ATG9B: variants seen among roughly 807,000 people sequenced by gnomAD.
ATG9B encodes autophagy-related protein 9B.
A neutral mutation model predicts 92.9 loss-of-function variants in ATG9B; 92 were observed. The ratio of observed to expected loss-of-function variants is 0.99; its 90% confidence interval spans 0.84 to 1.18. The LOEUF (loss-of-function observed/expected upper bound fraction) is 1.18. Among genes scored for constraint, ATG9B ranks in the 50% most tolerant of loss-of-function variants. ATG9B has a pLI of 0.00. For synonymous variants in ATG9B, 599 were observed against 551.4 expected (o/e 1.09, Z -1.21); for missense variants, 1,344 against 1,235.0 (o/e 1.09, Z -1.32).
At chr7:151,017,741 G>A in intron 8 of ATG9B, 130 bp downstream of exon 8, 1 of 1,153,638 alleles carries the variant, frequency 8.7e-7, no homozygotes. Context: ...GAGAGCACAG[G>A]AAGGGAAGTG....
chr7:151,015,792 C>G (rs1334423132), intron 13 of ATG9B, 79 bp from the exon 14 acceptor site: 1 of 1,441,318 alleles, frequency 6.9e-7, no homozygotes, highest in African/African-American at 1.4e-5. Context: ...ACCCCAAATT[C>G]CCACCACTGC....
intron 2 of ATG9B, 26 bp from the exon 3 acceptor site, chr7:151,023,535 T>C: frequency 6.2e-7 from 1 of 1,612,948 alleles, no homozygotes; most frequent in African/African-American, 1.3e-5. Context: ...GGAACAAGCC[T>C]GAGGCACGGG....
chr7:151,018,334 C>T lies in ATG9B; in HGVS notation c.1832G>A (p.Arg611His). The T allele has an allele frequency of 1.9e-6, 3 of 1,591,892 alleles. No individual in the cohort carries two copies. Among genetic ancestry groups the T allele is most frequent in the South Asian group, 1.1e-5 (1 of 88,468 alleles). ...CAGCTGCGCCATCTGCCGGTAGGCG[C>T]GGTCCCTGCCGCCGGGGCCGGGCTC... is the stretch of plus-strand genomic sequence containing the variant. ...PEEPGPGGRD[R>H]AYRQMAQLLQ... is the part of the protein sequence containing the mutation. The change falls in exon 7 of 14, where the codon CGC (arginine) becomes CAC (histidine). Residue 611 changes from arginine to histidine, a missense_variant. Arg to His is a conservative substitution (Grantham distance 29, BLOSUM62 0). Coordinates refer to ENST00000639579, the MANE Select transcript of ATG9B (RefSeq NM_001317056.2). This position sits in a 1 kb window ranked among gnomAD's most constrained non-coding sequence, Gnocchi z 4.7.
At chr7:151,012,564 G>A, downstream of ATG9B, 4 of 1,447,970 alleles carry the variant, frequency 2.8e-6, no homozygotes, top group Non-Finnish European at 3.8e-6. Context: ...GGAAAGAGAG[G>A]GCAGGAAACA....
Position 151,017,086 on chromosome 7 carries a change from C to T in ATG9B, c.2239G>A (p.Ala747Thr), listed in dbSNP as rs548368324. ...ACCCCCGGGGTGGAGGGGCCGCGAGCCGAGGTGGCACCCCAGGCAGCTGCA... is the reference window on the plus strand; with the variant it reads ...ACCCCCGGGGTGGAGGGGCCGCGAGTCGAGGTGGCACCCCAGGCAGCTGCA... The part of the protein sequence containing the change: ...QDAAAWGATS[A>T]RGPSTPGVLS... The change falls in exon 9 of 14, where the codon GCT (alanine) becomes ACT (threonine). Residue 747 changes from alanine to threonine, a missense_variant. By Grantham distance (58) the Ala-to-Thr change is moderately conservative. Transcript: ENST00000639579. The T allele has an allele frequency of 1.9e-6, 3 of 1,609,976 alleles. No homozygotes were observed. The East Asian group carries it at 6.7e-5, about 36-fold the overall frequency.
downstream of ATG9B, chr7:151,013,716 C>T (rs1180017091): frequency 6.3e-7 from 1 of 1,588,700 alleles, no homozygotes; most frequent in Non-Finnish European, 8.6e-7. Flanking sequence ...AACCCCGCCG[C>T]CCCGCAGACC....
rs1226208776 is a variant in ATG9B at position 151,018,421 on chromosome 7, T to C, written c.1745A>G (p.Gln582Arg). The C allele has an allele frequency of 6.5e-7, 1 of 1,540,672 alleles. No individual in the cohort carries two copies. The highest frequency in any genetic ancestry group is 8.7e-7 in the Non-Finnish European group (1 of 1,144,438). The change falls in exon 7 of 14, where the codon CAG becomes CGG. Residue 582 changes from glutamine (Q) to arginine (R), a missense_variant. By Grantham distance (43) the Gln-to-Arg change is conservative. Transcript: ENST00000639579. The surrounding 1 kb of genome is among the most constrained non-coding windows in gnomAD (Gnocchi z 4.7). ...ARSFIPEEQC[Q>R]GRAPQLLLQT... ...CAGCAGGAGCTGCGGCGCACGACCC[T>C]GGCACTGCTCTTCCGGAATGAAAGA... is the stretch of plus-strand genomic sequence containing the variant.
At chr7:151,023,607 C>CCCA in intron 2 of ATG9B, 80 bp downstream of exon 2, 27 of 1,609,216 alleles carry the variant, frequency 1.7e-5, no homozygotes, top group Non-Finnish European at 2.3e-5. Context: ...GACGCCCTCA[C>CCCA]GGAGTCTCCC....
downstream of ATG9B, chr7:151,012,381 C>T: frequency 3.1e-6 from 5 of 1,588,192 alleles, no homozygotes; most frequent in Non-Finnish European, 4.3e-6. Context: ...CACCCGATCC[C>T]AGCTTGCCCT....
intron 9 of ATG9B, 43 bp from the exon 10 acceptor site, chr7:151,016,864 G>A: frequency 1.3e-6 from 2 of 1,576,390 alleles, no homozygotes; most frequent in Non-Finnish European, 1.7e-6. Flanking sequence ...GGAGTCAGAA[G>A]AGAGGACAGA....
Position 151,023,862 on chromosome 7 carries a change from CCA to C in ATG9B, c.550+10_550+11del, listed in dbSNP as rs746703911. The C allele has an allele frequency of 1.3e-5, 21 of 1,610,866 alleles. No individual in the cohort carries two copies. The highest frequency in any genetic ancestry group is 1.7e-5 in the Non-Finnish European group (20 of 1,178,618). On this transcript the variant is annotated intron_variant, in intron 1 of 13. Coordinates refer to ENST00000639579, the MANE Select transcript of ATG9B (RefSeq NM_001317056.2). ...ACCACTAACCCTCTCCCACCCACAC[CCA>C]CACACATACCTCGGAGCCCTTCAGG...
Position 151,018,947 on chromosome 7 carries a change from C to G in ATG9B, c.1391G>C (p.Ser464Thr). The change falls in exon 6 of 14, where the codon AGC (serine) becomes ACC (threonine). Residue 464 changes from serine to threonine, a missense_variant. By Grantham distance (58) the Ser-to-Thr change is moderately conservative. Transcript: ENST00000639579. The surrounding 1 kb of genome is among the most constrained non-coding windows in gnomAD (Gnocchi z 4.7). ...CTCGCGCCGCAGCAGCTCCACGTGG[C>G]TATAGAAGACGTGCAGAACCTGCCA... ...LAWQVLHVFY[S>T]HVELLRREPG... 6.4e-7 allele frequency: 1 copy of G among 1,568,634 alleles called. No homozygotes were observed. The highest frequency in any genetic ancestry group is 8.6e-7 in the Non-Finnish European group (1 of 1,163,882).
intron 1 of ATG9B, 42 bp downstream of exon 1, chr7:151,023,832 C>T: frequency 2.5e-6 from 4 of 1,609,972 alleles, no homozygotes; most frequent in Non-Finnish European, 3.4e-6. Flanking sequence ...CTGGAGCTCC[C>T]AGGCACCACT....
downstream of ATG9B, chr7:151,014,224 C>T: frequency 2.0e-6 from 3 of 1,524,290 alleles, no homozygotes; most frequent in Non-Finnish European, 2.7e-6. Flanking sequence ...GACTCAGGTC[C>T]GCCCGACCAG....
At chr7:151,012,559 G>A, downstream of ATG9B, 1 of 1,466,478 alleles carries the variant, frequency 6.8e-7, no homozygotes, top group Non-Finnish European at 9.3e-7. Context: ...AAATAGGAAA[G>A]AGAGGGCAGG....
chr7:151,013,495 GC>G, downstream of ATG9B: 2 of 1,342,900 alleles, frequency 1.5e-6, no homozygotes, highest in Non-Finnish European at 2.0e-6. Context: ...CGACCACTCA[GC>G]CACCCCTGCA....
At position 151,015,640 on chromosome 7, in the gene ATG9B, G is replaced by A; in HGVS notation, c.*88C>T. ...AAAGCACCTGGGCCTGTCATCTATG[G>A]GGCCTCTAACAATGACTCCTTGTGT... On this transcript the variant is annotated 3_prime_UTR_variant, in exon 14 of 14. Coordinates refer to ENST00000639579, the MANE Select transcript of ATG9B (RefSeq NM_001317056.2). 2.4e-6 allele frequency: 1 copy of A among 421,134 alleles called. No individual in the cohort carries two copies. The highest frequency in any genetic ancestry group is 4.1e-6 in the Non-Finnish European group (1 of 245,496). The allele number at this position is 421,134 out of a possible 1,614,324, so 26.1% of individuals were successfully genotyped here.
In ATG9B at chr7:151,018,649, G is replaced by C; in HGVS notation, c.1689C>G (p.Thr563=). The C allele has an allele frequency of 6.2e-7, 1 of 1,607,052 alleles. No individual in the cohort carries two copies. Among genetic ancestry groups the C allele is most frequent in the Admixed American group, 1.7e-5 (1 of 59,780 alleles). The change falls in exon 6 of 14, where the codon ACC becomes ACG. Residue 563 remains threonine, a synonymous_variant. Transcript: ENST00000639579. The surrounding 1 kb of genome is among the most constrained non-coding windows in gnomAD (Gnocchi z 4.7). The part of the protein sequence containing the change: ...LAVEHVLTAM[T]ALGVTATVAR... The stretch of plus-strand genomic sequence containing the variant: ...CGACGGTGGCGGTGACCCCGAGCGC[G>C]GTCATGGCGGTGAGCACGTGCTCCA...
downstream of ATG9B, chr7:151,015,084 C>T (rs1211588238): frequency 2.0e-5 from 3 of 152,146 alleles, no homozygotes; most frequent in Non-Finnish European, 4.4e-5. Flanking sequence ...GGCTCGTGAT[C>T]GAGAAGGCAG....
Sources: gnomAD v4.1 joint callset for allele counts on GRCh38, gnomAD v4.1.1 for gene constraint, Gnocchi (gnomAD v3.1) non-coding constraint, MANE v1.5 for transcripts, NCBI Gene and HGNC (gene_info 2026-07-23, HGNC 2026-07-21) for gene names.